The following ANXA10 variants were observed in gnomAD, a reference collection of about 807,000 sequenced individuals.
The protein encoded by ANXA10 is annexin A10.
In ANXA10, 49 loss-of-function variants were observed where a neutral mutation model predicts 53.5. That is an observed-to-expected ratio of 0.92 (90% CI 0.73 to 1.16). ANXA10 has a LOEUF of 1.16. ANXA10 is among the 50% of genes most tolerant of loss of function. The pLI, the probability that ANXA10 is intolerant of heterozygous loss-of-function variation, is 0.00. For missense variants in ANXA10, 393 were observed against 394.4 expected, an observed-to-expected ratio of 1.00 and a Z score of 0.03; for synonymous variants, 131 against 128.9, an observed-to-expected ratio of 1.02 and a Z score of -0.11.
intron 1 of ANXA10, among the ~76,000 whole-genome samples, chr4:168,093,314 A>G (rs1479374565): frequency 1.3e-5 from 2 of 152,302 alleles, no homozygotes; most frequent in Middle Eastern, 3.4e-3. Context: ...GAAGCAATGT[A>G]TAACAAGATT....
chr4:168,113,150 G>C (rs896113573), intron 1 of ANXA10: 2 of 152,254 alleles, frequency 1.3e-5, no homozygotes, highest in African/African-American at 4.8e-5. Context: ...TAAATATGCT[G>C]TCTTAGTTCA....
intron 1 of ANXA10, among the ~76,000 whole-genome samples, chr4:168,108,481 G>T (rs538715503): frequency 1.1e-4 from 16 of 152,084 alleles, no homozygotes; most frequent in Non-Finnish European, 1.9e-4. Flanking sequence ...TAGGTTTTTA[G>T]GATATTTCTC....
At chr4:168,139,622 T>C in intron 3 of ANXA10, 42 bp downstream of exon 3, 4 of 1,492,308 alleles carry the variant, frequency 2.7e-6, no homozygotes, top group Non-Finnish European at 3.7e-6. Flanking sequence ...GGCAATCTCT[T>C]GAGAACTAAC....
intron 8 of ANXA10, 44 bp downstream of exon 8, chr4:168,178,027 A>G: frequency 1.3e-6 from 2 of 1,562,466 alleles, no homozygotes; most frequent in Non-Finnish European, 1.8e-6. Flanking sequence ...GACCAATTAT[A>G]TAACAAAAAG....
intron 3 of ANXA10, among the ~76,000 whole-genome samples, chr4:168,144,322 G>C (rs1434029041): frequency 6.6e-6 from 1 of 152,174 alleles, no homozygotes; most frequent in Non-Finnish European, 1.5e-5. Context: ...AAGTAGCTGA[G>C]ATTACAGGAC....
At chr4:168,142,762 C>T (rs1731346490) in intron 3 of ANXA10, among the ~76,000 whole-genome samples, 1 of 152,142 alleles carries the variant, frequency 6.6e-6, no homozygotes, top group Non-Finnish European at 1.5e-5. Flanking sequence ...TCCAATAAGA[C>T]ACAGGCAGGC....
In ANXA10 at chr4:168,165,349, T is replaced by C; in HGVS notation, c.480+23T>C. On this transcript the variant is annotated intron_variant, in intron 6 of 11. Coordinates refer to ENST00000359299, the MANE Select transcript of ANXA10 (RefSeq NM_007193.5). ...CAGGTATGGCATTCCAAAATTTACA[T>C]TACTTTGCACTATCTAAGCAAATAA... The C allele has an allele frequency of 2.1e-6, 3 of 1,424,972 alleles. No individual in the cohort carries two copies. In the South Asian group the frequency reaches 4.0e-5, roughly 19 times the overall value. The allele number at this position is 1,424,972 out of a possible 1,614,324, so 88.3% of individuals were successfully genotyped here.
intron 6 of ANXA10, 62 bp downstream of exon 6, chr4:168,165,388 C>CTAAA: frequency 2.1e-6 from 1 of 477,982 alleles, no homozygotes; most frequent in Non-Finnish European, 2.9e-6. Flanking sequence ...TATGTCATTG[C>CTAAA]CAAAAAAAAA....
In ANXA10 at chr4:168,161,499, G is replaced by A. The variant is rs543945373; in HGVS notation, c.196-1029G>A. ...AGTTTGCAGTTGGGTAGTGTGATGC[G>A]TCCAGCTTTGTTCTTTTTGCTTAGG... On this transcript the variant is annotated intron_variant, in intron 3 of 11. Transcript: ENST00000359299. 5.3e-5 allele frequency among the ~76,000 whole-genome samples: 8 copies of A among 152,074 alleles called. 1 individual carries two copies. In the South Asian group the frequency reaches 1.2e-3, roughly 24 times the overall value.
chr4:168,176,674 G>A (rs1237725207), intron 6 of ANXA10, among the ~76,000 whole-genome samples: 2 of 152,106 alleles, frequency 1.3e-5, no homozygotes, highest in African/African-American at 4.8e-5. Flanking sequence ...TGTCTCACTG[G>A]ATTCACTGCA....
intron 6 of ANXA10, among the ~76,000 whole-genome samples, chr4:168,166,964 G>T (rs975818754): frequency 6.6e-6 from 1 of 152,090 alleles, no homozygotes; most frequent in Non-Finnish European, 1.5e-5. Flanking sequence ...CCTGCCTAAG[G>T]CCCTCAGGAA....
At chr4:168,162,686 G>C in intron 4 of ANXA10, 45 bp downstream of exon 4, 1 of 1,489,974 alleles carries the variant, frequency 6.7e-7, no homozygotes, top group Non-Finnish European at 9.4e-7. Flanking sequence ...GTACAGGCCA[G>C]TATTTCAGTA....
intron 10 of ANXA10, among the ~76,000 whole-genome samples, chr4:168,183,939 CTG>C (rs2149482520): frequency 6.6e-6 from 1 of 152,200 alleles, no homozygotes; most frequent in East Asian, 1.9e-4. Context: ...CAATTTGAAA[CTG>C]ATTTGTTAGG....
chr4:168,126,658 G>A (rs1731074853), intron 1 of ANXA10, among the ~76,000 whole-genome samples: 1 of 152,094 alleles, frequency 6.6e-6, no homozygotes, highest in African/African-American at 2.4e-5. Context: ...TAATTCTTAT[G>A]AGTCTGTCTG....
chr4:168,168,934 A>G (rs1039036301), intron 6 of ANXA10, among the ~76,000 whole-genome samples: 2 of 152,162 alleles, frequency 1.3e-5, no homozygotes, highest in Non-Finnish European at 2.9e-5. Context: ...TTTAATTTGG[A>G]TATCTGTGGT....
chr4:168,142,747 A>G (rs954077823), intron 3 of ANXA10, among the ~76,000 whole-genome samples: 1 of 151,826 alleles, frequency 6.6e-6, no homozygotes, highest in African/African-American at 2.4e-5. Flanking sequence ...TCTAACTACA[A>G]CTCCTCCAAT....
intron 2 of ANXA10, among the ~76,000 whole-genome samples, chr4:168,136,268 A>G (rs1731236086): frequency 6.6e-6 from 1 of 152,110 alleles, no homozygotes; most frequent in Admixed American, 6.5e-5. Context: ...TTCTTCTCAC[A>G]TTGCAAAATA....
chr4:168,101,447 C>T (rs1375576122), intron 1 of ANXA10, among the ~76,000 whole-genome samples: 1 of 149,610 alleles, frequency 6.7e-6, no homozygotes, highest in Non-Finnish European at 1.5e-5. Context: ...CACTTTTAGG[C>T]TTAATCTTAC....
At chr4:168,112,464 T>A (rs74650203) in intron 1 of ANXA10, among the ~76,000 whole-genome samples, 100,668 of 151,784 alleles carry the variant, frequency 0.66, 33,968 homozygotes, top group African/African-American at 0.77. Flanking sequence ...CTCTTTTGGT[T>A]GCTATTAAAA....
Sources: allele counts gnomAD v4.1 joint callset (sites outside exome capture counted in the v4.1 genomes callset), GRCh38; gene constraint gnomAD v4.1.1; transcripts MANE v1.5; gene names NCBI Gene and HGNC (gene_info 2026-07-23, HGNC 2026-07-21).